ATP2C1: variants seen among roughly 807,000 people sequenced by gnomAD.
ATP2C1 encodes ATPase secretory pathway Ca2+ transporting 1, also known as calcium-transporting ATPase type 2C member 1.
Under a neutral mutation model 120.5 loss-of-function variants are expected in ATP2C1, and 31 were observed. The ratio of observed to expected loss-of-function variants is 0.26; its 90% confidence interval spans 0.19 to 0.35. The LOEUF is 0.35. ATP2C1 is among the 10% of genes least tolerant of loss of function. The probability of loss-of-function intolerance (pLI) is 1.00; values close to 1 mark genes in which losing one functional copy is unlikely to be tolerated. For missense variants in ATP2C1, 731 were observed against 1,107.5 expected (o/e 0.66, Z 4.83); for synonymous variants, 351 against 358.7 (o/e 0.98, Z 0.24).
At chr3:130,916,581 TTGC>T (rs2058701680) in intron 2 of ATP2C1, among the ~76,000 whole-genome samples, 1 of 152,114 alleles carries the variant, frequency 6.6e-6, no homozygotes, top group Non-Finnish European at 1.5e-5. Flanking sequence ...CCATTATGTA[TTGC>T]TGCAGTACCA....
intron 2 of ATP2C1, among the ~76,000 whole-genome samples, chr3:130,920,147 C>T (rs1172765776): frequency 2.0e-5 from 3 of 152,104 alleles, no homozygotes; most frequent in Admixed American, 6.6e-5. Context: ...GCCTTTTACT[C>T]TGTTAATTGT....
At chr3:131,015,237 A>C (rs1290669515) in intron 26 of ATP2C1, 2 of 702,286 alleles carry the variant, frequency 2.8e-6, no homozygotes, top group Admixed American at 4.0e-5. Context: ...TCCTCATTCA[A>C]AGTATTGAAG....
chr3:130,912,808 G>T (rs2058495642), intron 2 of ATP2C1, among the ~76,000 whole-genome samples: 1 of 151,898 alleles, frequency 6.6e-6, no homozygotes, highest in South Asian at 2.1e-4. Context: ...GCACATGTAT[G>T]TTTATTGCGG....
chr3:130,976,033 G>A lies in ATP2C1; in HGVS notation c.1570+545G>A, dbSNP rs182401494. 4.4e-3 allele frequency among the ~76,000 whole-genome samples: 676 copies of A among 152,178 alleles called. 3 individuals are homozygous for A. Among genetic ancestry groups the A allele is most frequent in the Non-Finnish European group, 7.3e-3 (494 of 67,996 alleles). On this transcript the variant is annotated intron_variant, in intron 18 of 27. Coordinates refer to ENST00000510168, the MANE Select transcript of ATP2C1 (RefSeq NM_001378687.1). Reference sequence around the variant, plus strand: ...CCTAGGGATGTCATGTGTAAGACTCGGGGGTTGGTGGTTGGTGTCCTAACC... The same window carrying A: ...CCTAGGGATGTCATGTGTAAGACTCAGGGGTTGGTGGTTGGTGTCCTAACC...
At chr3:130,999,117 T>C (rs1382893616) in intron 26 of ATP2C1, among the ~76,000 whole-genome samples, 3 of 152,182 alleles carry the variant, frequency 2.0e-5, no homozygotes, top group African/African-American at 7.2e-5. Context: ...AAAAGTGGTT[T>C]TACTTTTTCA....
intron 9 of ATP2C1, 101 bp downstream of exon 9, chr3:130,954,077 C>A: frequency 7.8e-7 from 1 of 1,278,400 alleles, no homozygotes; most frequent in Non-Finnish European, 1.1e-6. Flanking sequence ...AAATACATGA[C>A]AAAGGATAAA....
upstream of ATP2C1, chr3:130,894,029 C>T: frequency 1.0e-6 from 1 of 986,520 alleles, no homozygotes; most frequent in Non-Finnish European, 1.2e-6. The surrounding 1 kb of genome is among the most constrained non-coding windows in gnomAD (Gnocchi z 4.5). Flanking sequence ...GTGCGGGGCG[C>T]GACTGGGCGG....
At chr3:130,953,765 T>C in intron 8 of ATP2C1, 56 bp from the exon 9 acceptor site, 1 of 1,575,404 alleles carries the variant, frequency 6.3e-7, no homozygotes, top group Non-Finnish European at 8.7e-7. Context: ...TTATGAACTC[T>C]AGAGATGTTA....
chr3:130,982,603 T>C (rs1345209230), intron 20 of ATP2C1, among the ~76,000 whole-genome samples: 1 of 152,208 alleles, frequency 6.6e-6, no homozygotes, highest in East Asian at 1.9e-4. Context: ...TAAGCACTTA[T>C]CTGGAATTTA....
chr3:130,851,892 C>T (rs976487533), intron 1 of ATP2C1, among the ~76,000 whole-genome samples: 1 of 152,136 alleles, frequency 6.6e-6, no homozygotes, highest in African/African-American at 2.4e-5. Flanking sequence ...TATGAGATGA[C>T]CCACTTAATA....
chr3:130,898,369 T>A (rs2069828670), intron 2 of ATP2C1, among the ~76,000 whole-genome samples: 1 of 152,118 alleles, frequency 6.6e-6, no homozygotes, highest in South Asian at 2.1e-4. Context: ...AAGAAAAAAT[T>A]GCATTACTAT....
intron 10 of ATP2C1, 153 bp from the exon 11 acceptor site, chr3:130,955,951 C>A (rs888884434): frequency 1.1e-4 from 68 of 617,526 alleles, no homozygotes; most frequent in African/African-American, 1.1e-3. Flanking sequence ...ATCTAAGTCT[C>A]AGTTTTCTCA....
At chr3:130,877,050 A>C (rs2068627525) in intron 1 of ATP2C1, among the ~76,000 whole-genome samples, 1 of 152,212 alleles carries the variant, frequency 6.6e-6, no homozygotes, top group South Asian at 2.1e-4. Context: ...TGTTATCTGC[A>C]AACAGGGACA....
chr3:131,006,119 G>A (rs570804654), downstream of ATP2C1, among the ~76,000 whole-genome samples: 1 of 152,170 alleles, frequency 6.6e-6, no homozygotes, highest in Non-Finnish European at 1.5e-5. Flanking sequence ...TTTTTCATTT[G>A]TTTGTTTTTT....
chr3:131,009,399 C>G (rs1057415386), intron 26 of ATP2C1, among the ~76,000 whole-genome samples: 1 of 152,026 alleles, frequency 6.6e-6, no homozygotes. Flanking sequence ...CTATTTTAAC[C>G]AAATAGAATG....
intron 20 of ATP2C1, among the ~76,000 whole-genome samples, chr3:130,981,194 G>T (rs2061744534): frequency 6.6e-6 from 1 of 151,968 alleles, no homozygotes; most frequent in South Asian, 2.1e-4. Flanking sequence ...GCCTTTTTGT[G>T]GTACCTTCTC....
At chr3:130,935,575 C>T (rs1472143153) in intron 5 of ATP2C1, among the ~76,000 whole-genome samples, 2 of 152,148 alleles carry the variant, frequency 1.3e-5, no homozygotes, top group African/African-American at 4.8e-5. Flanking sequence ...CCCAGGTATC[C>T]CTGAGACCTG....
chr3:130,969,609 G>C (rs1288486585), intron 17 of ATP2C1, among the ~76,000 whole-genome samples: 1 of 152,170 alleles, frequency 6.6e-6, no homozygotes, highest in Non-Finnish European at 1.5e-5. Context: ...TCATGGAGTT[G>C]CTGCTGTGTG....
At chr3:130,857,776 T>G (rs970197161) in intron 1 of ATP2C1, among the ~76,000 whole-genome samples, 2 of 152,198 alleles carry the variant, frequency 1.3e-5, no homozygotes, top group Non-Finnish European at 2.9e-5. Context: ...GGGACAGAAC[T>G]AGAGGATATT....
Sources: allele counts gnomAD v4.1 joint callset (sites outside exome capture counted in the v4.1 genomes callset), GRCh38; gene constraint gnomAD v4.1.1; non-coding constraint Gnocchi (gnomAD v3.1); transcripts MANE v1.5; gene names NCBI Gene and HGNC (gene_info 2026-07-23, HGNC 2026-07-21).